Variants in LOX observed in about 807,000 individuals in gnomAD.
LOX encodes the protein protein-lysine 6-oxidase.
A neutral mutation model predicts 50.5 loss-of-function variants in LOX; 12 were observed. That is an observed-to-expected ratio of 0.24 (90% confidence interval 0.15 to 0.38). The LOEUF is 0.38. LOX is among the 10% of genes least tolerant of loss of function. The probability of loss-of-function intolerance (pLI) is 1.00; values close to 1 mark genes in which losing one functional copy is unlikely to be tolerated. For synonymous variants in LOX, 254 were observed against 230.6 expected (o/e 1.10, Z -0.92); for missense variants, 504 against 563.8 (o/e 0.89, Z 1.07).
Position 122,066,706 on chromosome 5 carries a change from G to T in LOX, c.*37C>A. ...TATTTTTTCCCACTTCAGAACACCA[G>T]GCACTGATTTATCCATTGGGAGTTT... On this transcript the variant is annotated 3_prime_UTR_variant, in exon 7 of 7. Transcript: ENST00000231004. 1 of 1,580,112 alleles carries T rather than the reference G, an allele frequency of 6.3e-7. No individual in the cohort carries two copies. The highest frequency in any genetic ancestry group is 8.7e-7 in the Non-Finnish European group (1 of 1,150,586).
rs1754659439 is a variant in LOX, at chr5:122,077,056, C to T, written c.632-55G>A. 6.2e-7 allele frequency: 1 copy of T among 1,601,038 alleles called. No individual in the cohort carries two copies. The highest frequency in any genetic ancestry group is 1.1e-5 in the South Asian group (1 of 90,524). On this transcript the variant is annotated intron_variant, in intron 1 of 6. Transcript: ENST00000231004. This position sits in a 1 kb window ranked among gnomAD's most constrained non-coding sequence, Gnocchi z 4.9. ...GTGAAACAACCCGGCGCCCCCCGCT[C>T]CAACTCCCTACCCCTCTAGGTCCCT... is the stretch of plus-strand genomic sequence containing the variant.
Position 122,066,932 on chromosome 5 carries a change from A to G in LOX, c.1248-183T>C, listed in dbSNP as rs561673837. On this transcript the variant is annotated intron_variant, in intron 6 of 6. Coordinates refer to ENST00000231004, the MANE Select transcript of LOX (RefSeq NM_002317.7). ...TTTTAATAATGGTTTGAAGAAAGTG[A>G]CTATGTCAACAGCAGAGATGCCTGA... 9.8e-5 allele frequency among the ~76,000 whole-genome samples: 15 copies of G among 152,296 alleles called. No individual in the cohort carries two copies. The South Asian group carries it at 2.3e-3, about 23-fold the overall frequency.
chr5:122,071,329 A>C (rs1278617825), intron 4 of LOX, among the ~76,000 whole-genome samples: 2 of 152,106 alleles, frequency 1.3e-5, no homozygotes, highest in African/African-American at 4.8e-5. Flanking sequence ...TATCCAGCCT[A>C]GTAAGTGGCT....
chr5:122,069,952 G>A, intron 6 of LOX, 101 bp downstream of exon 6: 1 of 861,062 alleles, frequency 1.2e-6, no homozygotes, highest in Non-Finnish European at 2.0e-6. Context: ...TTACAAGAAA[G>A]CTGCTGTAGT....
chr5:122,069,998 C>T, intron 6 of LOX, 55 bp downstream of exon 6: 1 of 1,259,888 alleles, frequency 7.9e-7, no homozygotes, highest in Non-Finnish European at 1.2e-6. Context: ...TAATGTTTGG[C>T]ATGAACAAAA....
intron 3 of LOX, among the ~76,000 whole-genome samples, chr5:122,075,054 C>A (rs991015920): frequency 1.3e-5 from 2 of 152,156 alleles, no homozygotes; most frequent in Non-Finnish European, 2.9e-5. Flanking sequence ...TGATAAAAAA[C>A]GTGTGGTCTT....
chr5:122,073,407 G>A (rs1754510421), intron 4 of LOX, among the ~76,000 whole-genome samples: 2 of 152,112 alleles, frequency 1.3e-5, no homozygotes, highest in Admixed American at 1.3e-4. Context: ...GTGTCCTTCT[G>A]CTCTTATTTG....
chr5:122,070,783 G>A, intron 4 of LOX, 194 bp from the exon 5 acceptor site: 1 of 439,660 alleles, frequency 2.3e-6, no homozygotes, highest in Non-Finnish European at 4.0e-6. Flanking sequence ...AAAAGATACA[G>A]GACTAATATA....
At position 122,078,075 on chromosome 5, in the gene LOX, T is replaced by A. The variant is rs1754696339; in HGVS notation, c.-90A>T. ...TCAAATCACGTGAGGGAAGGAGAAA[T>A]CTTCAACCAAGGAGGCGAGCGGAGC... On this transcript the variant is annotated 5_prime_UTR_variant, in exon 1 of 7. Transcript: ENST00000231004. 1 of 1,271,686 alleles carries A rather than the reference T, an allele frequency of 7.9e-7. No homozygotes were observed. The highest frequency in any genetic ancestry group is 3.6e-5 in the Admixed American group (1 of 28,142). The allele number at this position is 1,271,686 out of a possible 1,614,324, so 78.8% of individuals were successfully genotyped here.
Position 122,077,801 on chromosome 5 carries a change from G to A in LOX, c.185C>T (p.Ser62Leu). The A allele has an allele frequency of 6.5e-7, 1 of 1,549,998 alleles. No individual in the cohort carries two copies. The highest frequency in any genetic ancestry group is 1.2e-5 in the South Asian group (1 of 84,788). The part of the protein sequence containing the change: ...GQVFSLLSLG[S>L]QYQPQRRRDP... ...CCGGCGGCGCTGAGGCTGGTACTGT[G>A]AGCCCAGGCTCAGCAAGCTGAACAC... Residue 62 changes from serine to leucine, a missense_variant, in exon 1 of 7, where the codon TCA (serine) becomes TTA (leucine). By Grantham distance (145) the Ser-to-Leu change is moderately radical (BLOSUM62 -2). Coordinates refer to ENST00000231004, the MANE Select transcript of LOX (RefSeq NM_002317.7). The surrounding 1 kb of genome is among the most constrained non-coding windows in gnomAD (Gnocchi z 4.9).
chr5:122,070,031 T>A (rs1011538923), intron 6 of LOX, 22 bp downstream of exon 6: 47 of 1,510,744 alleles, frequency 3.1e-5, no homozygotes, highest in Non-Finnish European at 4.3e-5. Flanking sequence ...AACAATTACT[T>A]AGCTAAGCAA....
rs769717725 is a variant in LOX, at chr5:122,077,662, G to A, written c.324C>T (p.Gly108=). 1.2e-6 allele frequency: 2 copies of A among 1,606,486 alleles called. No individual in the cohort carries two copies. The highest frequency in any genetic ancestry group is 1.1e-5 in the South Asian group (1 of 90,736). The change falls in exon 1 of 7, where the codon GGC becomes GGT. Residue 108 remains glycine (G), a synonymous_variant. Coordinates refer to ENST00000231004, the MANE Select transcript of LOX (RefSeq NM_002317.7). The surrounding 1 kb of genome is among the most constrained non-coding windows in gnomAD (Gnocchi z 4.9). The stretch of plus-strand genomic sequence containing the variant: ...GGCGGCCAGCGGTGACTCCAGATGA[G>A]CCGGCCGTCCGCGTTCGCGCCGCGG... ...RTAAARTRTA[G]SSGVTAGRPR... is the part of the protein sequence containing the mutation.
At position 122,064,198 on chromosome 5, in the gene LOX, T is replaced by C. The variant is rs191643838; in HGVS notation, c.*2545A>G. 6.6e-5 allele frequency: 10 copies of C among 152,132 alleles called. No individual in the cohort carries two copies. Among genetic ancestry groups the C allele is most frequent in the African/African-American group, 2.4e-4 (10 of 41,552 alleles). 9.4% of individuals were successfully genotyped at this position (152,132 alleles called of 1,614,324 possible). ...CATTGCCAGTTCCTATTTTTTAAAA[T>C]GTATTTAGAGTTTGGTAAGACTGGT... On this transcript the variant is annotated 3_prime_UTR_variant, in exon 7 of 7. Transcript: ENST00000231004.
chr5:122,077,146 CG>C lies in LOX; in HGVS notation c.632-146del. 2.7e-6 allele frequency: 4 copies of C among 1,469,754 alleles called. No individual in the cohort carries two copies. The highest frequency in any genetic ancestry group is 3.6e-6 in the Non-Finnish European group (4 of 1,116,416). 91.0% of individuals were successfully genotyped at this position (1,469,754 alleles called of 1,614,324 possible). A position where few individuals can be genotyped will look rare whatever the true frequency, so the allele number is the denominator to read the frequency against. ...CGGAGGACAGCAAGAGAACTGGGGA[CG>C]CCCGGGACTGCAAAGCAATGTGAAA... On this transcript the variant is annotated intron_variant, in intron 1 of 6. Coordinates refer to ENST00000231004, the MANE Select transcript of LOX (RefSeq NM_002317.7). The surrounding 1 kb of genome is among the most constrained non-coding windows in gnomAD (Gnocchi z 4.9).
chr5:122,077,672 C>A lies in LOX; in HGVS notation c.314G>T (p.Arg105Leu), dbSNP rs1407044026. The A allele has an allele frequency of 8.7e-6, 14 of 1,603,670 alleles. No homozygotes were observed. The highest frequency in any genetic ancestry group is 1.1e-5 in the Non-Finnish European group (13 of 1,176,720). The change falls in exon 1 of 7, where the codon CGG becomes CTG. Residue 105 changes from arginine (R) to leucine (L), a missense_variant. Physicochemically the swap from Arg to Leu is moderately radical, Grantham distance 102. Transcript: ENST00000231004. The surrounding 1 kb of genome is among the most constrained non-coding windows in gnomAD (Gnocchi z 4.9). The stretch of plus-strand genomic sequence containing the variant: ...GGTGACTCCAGATGAGCCGGCCGTC[C>A]GCGTTCGCGCCGCGGCGGTGCGGTT... Reference protein sequence around the residue: ...RDNRTAAARTRTAGSSGVTAG... With the variant: ...RDNRTAAARTLTAGSSGVTAG...
chr5:122,075,862 T>G (rs1182733056), intron 2 of LOX, among the ~76,000 whole-genome samples: 1 of 152,140 alleles, frequency 6.6e-6, no homozygotes, highest in African/African-American at 2.4e-5. Flanking sequence ...TAGAATCAAT[T>G]CAAGTTTGAT....
intron 3 of LOX, 136 bp downstream of exon 3, chr5:122,075,267 CA>C: frequency 1.3e-6 from 1 of 759,558 alleles, no homozygotes; most frequent in South Asian, 2.4e-5. Flanking sequence ...TGTGAAATTA[CA>C]TAGAGAAAAA....
Position 122,077,408 on chromosome 5 carries a change from G to A in LOX, c.578C>T (p.Pro193Leu). ...GGGCCGGTACCTGCCCCCAGGTCTG[G>A]GCCTTTCATAAGTATCGTAGTAGTT... is the stretch of plus-strand genomic sequence containing the variant. ...YYNYYDTYER[P>L]RPGGRYRPGY... Residue 193 changes from proline (P) to leucine (L), a missense_variant, in exon 1 of 7, where the codon CCC (proline) becomes CTC (leucine). Pro to Leu is a moderately conservative substitution (Grantham distance 98). Transcript: ENST00000231004. This position sits in a 1 kb window ranked among gnomAD's most constrained non-coding sequence, Gnocchi z 4.9. 1.2e-6 allele frequency: 2 copies of A among 1,614,124 alleles called. No homozygotes were observed. The highest frequency in any genetic ancestry group is 1.7e-6 in the Non-Finnish European group (2 of 1,180,012).
chr5:122,072,177 T>A (rs1340412318), intron 4 of LOX, among the ~76,000 whole-genome samples: 2 of 152,306 alleles, frequency 1.3e-5, no homozygotes, highest in African/African-American at 2.4e-5. Context: ...ACATAATGCT[T>A]CAGTGCTTAT....
Sources: allele counts gnomAD v4.1 joint callset (sites outside exome capture counted in the v4.1 genomes callset), GRCh38; gene constraint gnomAD v4.1.1; non-coding constraint Gnocchi (gnomAD v3.1); transcripts MANE v1.5; gene names NCBI Gene and HGNC (gene_info 2026-07-23, HGNC 2026-07-21).